CCDC60: variants seen among roughly 807,000 people sequenced by gnomAD.
CCDC60 encodes the protein coiled-coil domain-containing protein 60.
CCDC60 carries 54 observed loss-of-function variants against 63.5 expected under a neutral mutation model. The ratio of observed to expected loss-of-function variants is 0.85; its 90% CI spans 0.68 to 1.07. The LOEUF is 1.07. CCDC60 is among the 50% of genes least tolerant of loss of function. The pLI is 0.00. For synonymous variants in CCDC60, 206 were observed against 238.8 expected (o/e 0.86, Z 1.27); for missense variants, 651 against 684.3 (o/e 0.95, Z 0.54).
rs151248628 is a variant in CCDC60, at chr12:119,484,111, C to T, written c.450-4648C>T. On this transcript the variant is annotated intron_variant, in intron 4 of 13. Transcript: ENST00000327554. ...AACATCCACATTTTCATTAAGAGCA[C>T]GAATTCAGAAGCCAGACTGCCTGGG... is the stretch of plus-strand genomic sequence containing the variant. Among the ~76,000 whole-genome samples, 132 of 152,192 alleles carry T rather than the reference C, an allele frequency of 8.7e-4. 1 individual carries two copies. Among genetic ancestry groups the T allele is most frequent in the African/African-American group, 3.0e-3 (126 of 41,506 alleles).
Position 119,462,521 on chromosome 12 carries a change from GT to G in CCDC60, c.171-9470del, listed in dbSNP as rs545177241. On this transcript the variant is annotated intron_variant, in intron 2 of 13. Transcript: ENST00000327554. ...GTCTCACTTTAAAAAAAATTTTCTT[GT>G]TTCTAATTCTTTTTAGAATGAGAGC... Among the ~76,000 whole-genome samples, 5 of 151,850 alleles carry G rather than the reference GT, an allele frequency of 3.3e-5. 1 individual carries two copies. In the South Asian group the frequency reaches 1.0e-3, roughly 32 times the overall value.
chr12:119,519,427 GTGTGT>G lies in CCDC60; in HGVS notation c.969-693_969-689del, dbSNP rs1434736328. Reference sequence around the variant, plus strand: ...TGTGTGTGTGTGTGTGTGTGTGTGTGTGTGTGTGCGCGTGTGTGTGTGTGTATATA... The same window carrying G: ...TGTGTGTGTGTGTGTGTGTGTGTGTGGTGCGCGTGTGTGTGTGTGTATATA... On this transcript the variant is annotated intron_variant, in intron 8 of 13. Coordinates refer to ENST00000327554, the MANE Select transcript of CCDC60 (RefSeq NM_178499.5). Among the ~76,000 whole-genome samples, 455 of 136,812 alleles carry G rather than the reference GTGTGT, an allele frequency of 3.3e-3. 1 individual carries two copies. Among genetic ancestry groups the G allele is most frequent in the African/African-American group, 0.011 (395 of 34,386 alleles). The allele number at this position is 136,812 out of a possible 152,430, so 89.8% of individuals were successfully genotyped here. A position where few individuals can be genotyped will look rare whatever the true frequency, so the allele number is the denominator to read the frequency against.
intron 1 of CCDC60, among the ~76,000 whole-genome samples, chr12:119,394,569 TG>T (rs1956217101): frequency 2.0e-5 from 3 of 152,172 alleles, no homozygotes; most frequent in Admixed American, 6.5e-5. Context: ...AATACCCCCA[TG>T]GATGCACAGA....
At chr12:119,408,413 G>C (rs896680496) in intron 1 of CCDC60, among the ~76,000 whole-genome samples, 1 of 152,204 alleles carries the variant, frequency 6.6e-6, no homozygotes, top group Non-Finnish European at 1.5e-5. Flanking sequence ...TCAACAGGGA[G>C]ACGGCTCACT....
intron 1 of CCDC60, among the ~76,000 whole-genome samples, chr12:119,407,536 A>G (rs1341418786): frequency 6.6e-6 from 1 of 152,148 alleles, no homozygotes; most frequent in African/African-American, 2.4e-5. Flanking sequence ...TGTCTCAAAA[A>G]TAAATTAATT....
chr12:119,411,713 G>A (rs1416209802), intron 1 of CCDC60, among the ~76,000 whole-genome samples: 2 of 152,060 alleles, frequency 1.3e-5, no homozygotes, highest in Non-Finnish European at 2.9e-5. Flanking sequence ...GAGAGAAAGA[G>A]GAGAGGTGGA....
At chr12:119,443,003 T>G (rs534654255) in intron 2 of CCDC60, among the ~76,000 whole-genome samples, 2 of 152,314 alleles carry the variant, frequency 1.3e-5, no homozygotes, top group African/African-American at 4.8e-5. Context: ...GAAAGCAAAA[T>G]GAAAAGAGAC....
intron 7 of CCDC60, among the ~76,000 whole-genome samples, chr12:119,507,130 T>C (rs1489924495): frequency 6.6e-6 from 1 of 151,822 alleles, no homozygotes; most frequent in Non-Finnish European, 1.5e-5. Context: ...GTGACAAGGA[T>C]TGTGTGTCGC....
intron 2 of CCDC60, among the ~76,000 whole-genome samples, chr12:119,432,587 G>C (rs1389622319): frequency 6.6e-6 from 1 of 152,128 alleles, no homozygotes; most frequent in Admixed American, 6.5e-5. Context: ...GTCTCCACAA[G>C]AATCTGTACA....
intron 12 of CCDC60, among the ~76,000 whole-genome samples, chr12:119,530,030 T>C (rs560227639): frequency 2.7e-4 from 41 of 152,300 alleles, no homozygotes; most frequent in Admixed American, 7.8e-4. Context: ...AAATGATAGT[T>C]ATTGAGCACC....
intron 4 of CCDC60, among the ~76,000 whole-genome samples, chr12:119,487,269 G>A (rs1279443149): frequency 1.3e-5 from 2 of 150,750 alleles, no homozygotes; most frequent in Admixed American, 6.6e-5. Context: ...AGGTGGGAGC[G>A]GTATATTACC....
chr12:119,493,558 C>T (rs1487092064), intron 5 of CCDC60, among the ~76,000 whole-genome samples: 2 of 152,102 alleles, frequency 1.3e-5, no homozygotes, highest in Non-Finnish European at 2.9e-5. Context: ...CCTCAACTTC[C>T]CAATTTCATC....
intron 13 of CCDC60, among the ~76,000 whole-genome samples, chr12:119,537,043 TACACCAATCAA>T (rs1369071604): frequency 6.6e-6 from 1 of 152,224 alleles, no homozygotes. Flanking sequence ...CACTTTCAGG[TACACCAATCAA>T]ACATAGTTTT....
At chr12:119,375,571 C>T (rs996906398) in intron 1 of CCDC60, among the ~76,000 whole-genome samples, 1 of 152,124 alleles carries the variant, frequency 6.6e-6, no homozygotes, top group African/African-American at 2.4e-5. Flanking sequence ...GCCCCTCCCC[C>T]CAACTGTCTC....
intron 1 of CCDC60, among the ~76,000 whole-genome samples, chr12:119,422,668 C>T (rs1051167992): frequency 1.8e-4 from 28 of 152,186 alleles, no homozygotes; most frequent in African/African-American, 6.3e-4. Flanking sequence ...ATCCAATCAC[C>T]TCCCACAAGG....
chr12:119,382,058 G>T (rs184294740), intron 1 of CCDC60, among the ~76,000 whole-genome samples: 2 of 152,314 alleles, frequency 1.3e-5, no homozygotes, highest in East Asian at 3.9e-4. Context: ...GGCAGGGGCA[G>T]AGCCAGGGAG....
At chr12:119,375,084 G>A (rs1180115230) in intron 1 of CCDC60, among the ~76,000 whole-genome samples, 1 of 152,108 alleles carries the variant, frequency 6.6e-6, no homozygotes, top group East Asian at 1.9e-4. Context: ...CTAGCCTCCT[G>A]GGAATGCAGC....
intron 2 of CCDC60, among the ~76,000 whole-genome samples, chr12:119,447,307 C>T (rs1343389671): frequency 6.6e-6 from 1 of 152,110 alleles, no homozygotes; most frequent in African/African-American, 2.4e-5. Context: ...GCGCCTCAGA[C>T]CCCTCCCACT....
intron 1 of CCDC60, among the ~76,000 whole-genome samples, chr12:119,421,265 G>A (rs1039928735): frequency 2.0e-5 from 3 of 152,156 alleles, no homozygotes; most frequent in African/African-American, 7.2e-5. Context: ...AAATCATTCT[G>A]ATTTTCTGCC....
Sources: gnomAD v4.1 joint callset for allele counts (sites outside exome capture counted in the v4.1 genomes callset) on GRCh38, gnomAD v4.1.1 for gene constraint, MANE v1.5 for transcripts, NCBI Gene and HGNC (gene_info 2026-07-23, HGNC 2026-07-21) for gene names.